The following RALYL variants were observed in gnomAD, a reference collection of about 807,000 sequenced individuals.
RALYL encodes RALY RNA binding protein like.
In RALYL, 29 loss-of-function variants were observed where a neutral mutation model predicts 35.1. The ratio of observed to expected loss-of-function variants is 0.83; its 90% CI spans 0.61 to 1.13. RALYL has a LOEUF of 1.13. RALYL is among the 50% of genes most tolerant of loss of function. RALYL has a pLI of 0.00. For synonymous variants in RALYL, 120 were observed against 127.6 expected, an observed-to-expected ratio of 0.94 and a Z score of 0.40; for missense variants, 359 against 360.4, an observed-to-expected ratio of 1.00 and a Z score of 0.03.
chr8:84,909,239 T>G (rs1847095360), intron 8 of RALYL, among the ~76,000 whole-genome samples: 1 of 152,156 alleles, frequency 6.6e-6, no homozygotes, highest in Admixed American at 6.6e-5. Flanking sequence ...ACACATTTGT[T>G]TCTATAGAGC....
chr8:84,671,786 G>A (rs1371418388), intron 2 of RALYL, among the ~76,000 whole-genome samples: 1 of 152,230 alleles, frequency 6.6e-6, no homozygotes, highest in African/African-American at 2.4e-5. Context: ...CTCTGGGCCT[G>A]TGATGGGAGG....
At chr8:84,420,134 A>G (rs975093827) in intron 1 of RALYL, among the ~76,000 whole-genome samples, 1 of 151,774 alleles carries the variant, frequency 6.6e-6, no homozygotes, top group African/African-American at 2.4e-5. Context: ...GACTTCCACA[A>G]TGGTTGAACT....
At chr8:84,320,734 G>T (rs945431946) in intron 1 of RALYL, among the ~76,000 whole-genome samples, 2 of 151,898 alleles carry the variant, frequency 1.3e-5, no homozygotes, top group African/African-American at 2.4e-5. Flanking sequence ...TGCCTTTTTG[G>T]GGTACTTTAT....
At chr8:84,671,497 A>C (rs890201506) in intron 2 of RALYL, among the ~76,000 whole-genome samples, 15 of 152,226 alleles carry the variant, frequency 9.9e-5, no homozygotes, top group African/African-American at 2.7e-4. Context: ...CCCTGCAGCA[A>C]ACTTCTGCCT....
intron 2 of RALYL, among the ~76,000 whole-genome samples, chr8:84,705,252 G>A (rs1840988611): frequency 6.6e-6 from 1 of 152,220 alleles, no homozygotes; most frequent in African/African-American, 2.4e-5. Flanking sequence ...ATAGGGATAT[G>A]CCCCAACTAC....
chr8:84,586,582 A>G (rs184854600), intron 2 of RALYL, among the ~76,000 whole-genome samples: 95 of 152,310 alleles, frequency 6.2e-4, no homozygotes, highest in African/African-American at 2.2e-3. Context: ...TGAGTGACTG[A>G]TACTTAGGAT....
At chr8:84,565,114 G>T (rs774341615) in intron 2 of RALYL, among the ~76,000 whole-genome samples, 1 of 151,432 alleles carries the variant, frequency 6.6e-6, no homozygotes, top group Non-Finnish European at 1.5e-5. Context: ...ACCTTCTGGT[G>T]ACCAATGAAT....
At chr8:84,566,249 T>C (rs1045030940) in intron 2 of RALYL, among the ~76,000 whole-genome samples, 1 of 151,590 alleles carries the variant, frequency 6.6e-6, no homozygotes, top group Non-Finnish European at 1.5e-5. Flanking sequence ...AACTACATTA[T>C]AATAATATTA....
intron 1 of RALYL, among the ~76,000 whole-genome samples, chr8:84,256,113 C>T (rs1831164959): frequency 6.6e-6 from 1 of 152,100 alleles, no homozygotes; most frequent in Non-Finnish European, 1.5e-5. Context: ...ATAATTATCT[C>T]TGAGGTTGGG....
intron 2 of RALYL, among the ~76,000 whole-genome samples, chr8:84,578,357 G>A (rs188520803): frequency 2.6e-3 from 397 of 152,326 alleles, no homozygotes; most frequent in Non-Finnish European, 4.8e-3. Flanking sequence ...CACAGCCCTG[G>A]CTCAGGGATC....
At chr8:84,883,765 T>A (rs546385547) in intron 7 of RALYL, among the ~76,000 whole-genome samples, 35 of 152,176 alleles carry the variant, frequency 2.3e-4, no homozygotes, top group Middle Eastern at 3.4e-3. Flanking sequence ...ATCTTTATAA[T>A]GCCTGATTCT....
intron 3 of RALYL, among the ~76,000 whole-genome samples, chr8:84,786,465 T>C (rs2133794468): frequency 6.6e-6 from 1 of 152,314 alleles, no homozygotes; most frequent in Non-Finnish European, 1.5e-5. Context: ...AGAGTTCTTA[T>C]TTCTCCACAG....
At chr8:84,449,162 G>A (rs1183530738) in intron 1 of RALYL, among the ~76,000 whole-genome samples, 1 of 149,442 alleles carries the variant, frequency 6.7e-6, no homozygotes, top group African/African-American at 2.5e-5. Context: ...AAAAACATAA[G>A]TTTGGGTCAC....
At chr8:84,504,930 G>T (rs1451068223) in intron 1 of RALYL, among the ~76,000 whole-genome samples, 5 of 152,044 alleles carry the variant, frequency 3.3e-5, no homozygotes, top group African/African-American at 1.2e-4. Flanking sequence ...TTATTGCTAC[G>T]CCCGCACCCC....
At chr8:84,625,185 C>T (rs984654761) in intron 2 of RALYL, among the ~76,000 whole-genome samples, 4 of 152,166 alleles carry the variant, frequency 2.6e-5, no homozygotes, top group Non-Finnish European at 5.9e-5. Flanking sequence ...CTTAATTGAA[C>T]ATTACTGGTA....
At position 84,919,752 on chromosome 8, in the gene RALYL, T is replaced by G. The variant is rs943105349; in HGVS notation, c.859-1142T>G. 2.6e-5 allele frequency among the ~76,000 whole-genome samples: 4 copies of G among 152,124 alleles called. No homozygotes were observed. In the East Asian group the frequency reaches 7.7e-4, roughly 29 times the overall value. The stretch of plus-strand genomic sequence containing the variant: ...AGGGATATAAGTTTTTAAATGTGTC[T>G]GACTATAGAAAAGACTATTAAGTGG... On this transcript the variant is annotated intron_variant, in intron 8 of 8. Transcript: ENST00000521268.
intron 1 of RALYL, among the ~76,000 whole-genome samples, chr8:84,398,850 C>T (rs142049615): frequency 1.7e-3 from 251 of 151,698 alleles, no homozygotes; most frequent in Non-Finnish European, 2.5e-3. Context: ...GGCATGCGCC[C>T]GTAGTCCCAG....
At chr8:84,327,962 G>A (rs1846122251) in intron 1 of RALYL, among the ~76,000 whole-genome samples, 1 of 152,144 alleles carries the variant, frequency 6.6e-6, no homozygotes, top group South Asian at 2.1e-4. Context: ...TAAAGAATTT[G>A]CCAAAAAGGT....
chr8:84,915,942 G>A (rs1848397249), intron 8 of RALYL, among the ~76,000 whole-genome samples: 1 of 152,110 alleles, frequency 6.6e-6, no homozygotes, highest in Non-Finnish European at 1.5e-5. Flanking sequence ...ATTAAAGACA[G>A]TAGGTTTTGT....
Sources: gnomAD v4.1 joint callset for allele counts (sites outside exome capture counted in the v4.1 genomes callset) on GRCh38, gnomAD v4.1.1 for gene constraint, MANE v1.5 for transcripts, NCBI Gene and HGNC (gene_info 2026-07-23, HGNC 2026-07-21) for gene names.